Variants in BRD8 observed in about 807,000 individuals in gnomAD.
The protein encoded by BRD8 is bromodomain containing 8.
In BRD8, 67 loss-of-function variants were observed where a neutral mutation model predicts 143.1. The ratio of observed to expected loss-of-function variants is 0.47; its 90% CI spans 0.38 to 0.57. The LOEUF is 0.57. Among genes scored for constraint, BRD8 ranks in the 20% least tolerant of loss-of-function variants. The pLI is 0.00. For missense variants in BRD8, 1,103 were observed against 1,503.0 expected (o/e 0.73, Z 4.40); for synonymous variants, 505 against 517.1 (o/e 0.98, Z 0.32).
chr5:138,168,876 CCA>C lies in BRD8; in HGVS notation c.642+344_642+345del, dbSNP rs906962528. 5.3e-5 allele frequency among the ~76,000 whole-genome samples: 8 copies of C among 152,216 alleles called. No individual in the cohort carries two copies. The East Asian group carries it at 5.8e-4, about 11-fold the overall frequency. On this transcript the variant is annotated intron_variant, in intron 8 of 26. Coordinates refer to ENST00000254900, the MANE Select transcript of BRD8 (RefSeq NM_139199.2). Reference sequence around the variant, plus strand: ...AATCTTCTCTTTCATCCACTCAAACCCACAGTGACTCAACCATCCCACCCAAC... The same window carrying C: ...AATCTTCTCTTTCATCCACTCAAACCCAGTGACTCAACCATCCCACCCAAC...
At chr5:138,176,423 T>C (rs928411689) in intron 2 of BRD8, among the ~76,000 whole-genome samples, 2 of 152,010 alleles carry the variant, frequency 1.3e-5, no homozygotes, top group African/African-American at 2.4e-5. Context: ...AATACAAAAA[T>C]TAGCCAGGCC....
intron 25 of BRD8, among the ~76,000 whole-genome samples, chr5:138,144,898 C>CAAA (rs34496046): frequency 2.1e-3 from 217 of 103,428 alleles, no homozygotes; most frequent in African/African-American, 3.2e-3. Flanking sequence ...GAGACCCTGT[C>CAAA]AAAAAAAAAA....
intron 13 of BRD8, 84 bp downstream of exon 13, chr5:138,164,236 T>C (rs1489532227): frequency 3.2e-6 from 5 of 1,571,470 alleles, no homozygotes; most frequent in Non-Finnish European, 3.5e-6. Context: ...TGACCTGTTC[T>C]ACCTCCTCTA....
chr5:138,162,246 C>T, intron 15 of BRD8, 100 bp from the exon 16 acceptor site: 1 of 913,770 alleles, frequency 1.1e-6, no homozygotes, highest in Admixed American at 2.5e-5. Flanking sequence ...GTCCCCCAGG[C>T]TGGAGTGCAG....
chr5:138,171,415 T>TAAAAAAAAAA lies in BRD8; in HGVS notation c.187-15_187-6dup. 1.5e-6 allele frequency: 2 copies of TAAAAAAAAAA among 1,346,186 alleles called. No homozygotes were observed. The highest frequency in any genetic ancestry group is 1.0e-6 in the Non-Finnish European group (1 of 982,974). 83.4% of individuals were successfully genotyped at this position (1,346,186 alleles called of 1,614,324 possible). ...CGAGTACTGGGAAGCACAATGCTATTAAAAAAAAAAAAAAAAGTGAAAATG... is the reference window on the plus strand; with the variant it reads ...CGAGTACTGGGAAGCACAATGCTATTAAAAAAAAAAAAAAAAAAAAAAAAAAGTGAAAATG... On this transcript the variant is annotated splice_polypyrimidine_tract_variant and splice_region_variant and intron_variant, in intron 3 of 26. Transcript: ENST00000254900.
At chr5:138,167,563 TATCC>T (rs1753540744) in intron 9 of BRD8, 1 of 205,090 alleles carries the variant, frequency 4.9e-6, no homozygotes, top group Non-Finnish European at 9.9e-6. Flanking sequence ...CTAAGTTACC[TATCC>T]AAGGTCACAA....
intron 2 of BRD8, among the ~76,000 whole-genome samples, chr5:138,175,845 C>T (rs1362436375): frequency 1.5e-5 from 2 of 131,918 alleles, no homozygotes; most frequent in African/African-American, 5.9e-5. Context: ...GCCCAGGAGG[C>T]AGAGGTTGCA....
chr5:138,165,697 G>A, intron 11 of BRD8, 131 bp downstream of exon 11: 2 of 1,062,428 alleles, frequency 1.9e-6, no homozygotes, highest in Non-Finnish European at 2.6e-6. Context: ...CTGCACTTCA[G>A]CCTGGATGAA....
At chr5:138,151,824 C>T (rs1007060608) in intron 21 of BRD8, among the ~76,000 whole-genome samples, 3 of 151,854 alleles carry the variant, frequency 2.0e-5, no homozygotes, top group Admixed American at 6.6e-5. Flanking sequence ...CCACCAAGCC[C>T]GGCTAATTTT....
chr5:138,144,178 A>G (rs1752040161), intron 25 of BRD8, among the ~76,000 whole-genome samples: 1 of 152,158 alleles, frequency 6.6e-6, no homozygotes, highest in Non-Finnish European at 1.5e-5. Context: ...TCACTCCTGA[A>G]GCCAGCGAGA....
intron 2 of BRD8, among the ~76,000 whole-genome samples, chr5:138,174,857 C>T (rs1196167938): frequency 1.3e-5 from 2 of 151,250 alleles, no homozygotes; most frequent in Admixed American, 6.6e-5. Context: ...ACTGCCTAGA[C>T]TTCCTGTATG....
In BRD8 at chr5:138,149,593, A is replaced by T. The variant is rs377759893; in HGVS notation, c.3278+47T>A. 1.4e-4 allele frequency: 205 copies of T among 1,478,430 alleles called. 1 individual carries two copies. In the African/African-American group the frequency reaches 2.7e-3, roughly 19 times the overall value. 91.6% of individuals were successfully genotyped at this position (1,478,430 alleles called of 1,614,324 possible). A position where few individuals can be genotyped will look rare whatever the true frequency, so the allele number is the denominator to read the frequency against. On this transcript the variant is annotated intron_variant, in intron 23 of 26. Transcript: ENST00000254900. ...CCATTTCATGATTCAAATAGGCATA[A>T]ACAGAAGTACGAATCTTAACAAACT... is the stretch of plus-strand genomic sequence containing the variant.
chr5:138,165,935 T>G lies in BRD8; in HGVS notation c.1171A>C (p.Lys391Gln). ...TTCTCAGCCAGATCTAATTCTTCCTTCCCATCTATGCTGGGAGCCTTTGAT... is the reference window on the plus strand; with the variant it reads ...TTCTCAGCCAGATCTAATTCTTCCTGCCCATCTATGCTGGGAGCCTTTGAT... ...VGSKAPSIDG[K>Q]EELDLAEKMD... The change falls in exon 11 of 27, where the codon AAG becomes CAG. Residue 391 changes from lysine (K) to glutamine (Q), a missense_variant. Lys to Gln is a moderately conservative substitution (Grantham distance 53). Around this residue, in one of 7 missense-constraint regions of BRD8, gnomAD observed 334 missense variants for 372.5 expected, o/e 0.90. Coordinates refer to ENST00000254900, the MANE Select transcript of BRD8 (RefSeq NM_139199.2). 6.2e-7 allele frequency: 1 copy of G among 1,614,178 alleles called. No homozygotes were observed. The highest frequency in any genetic ancestry group is 8.5e-7 in the Non-Finnish European group (1 of 1,180,034).
At chr5:138,172,174 A>T in intron 2 of BRD8, 40 bp from the exon 3 acceptor site, 2 of 1,511,036 alleles carry the variant, frequency 1.3e-6, no homozygotes, top group Non-Finnish European at 9.2e-7. Context: ...CCAAGCAGAA[A>T]ACAATAGGAG....
intron 22 of BRD8, among the ~76,000 whole-genome samples, 197 bp from the exon 23 acceptor site, chr5:138,149,994 T>C (rs530538585): frequency 7.9e-5 from 12 of 152,336 alleles, no homozygotes; most frequent in Admixed American, 7.8e-4. Context: ...CTGGAGGACT[T>C]TGACTCTGTG....
In BRD8 at chr5:138,164,470, C is replaced by T. The variant is rs77971161; in HGVS notation, c.1732-57G>A. On this transcript the variant is annotated intron_variant, in intron 12 of 26. Coordinates refer to ENST00000254900, the MANE Select transcript of BRD8 (RefSeq NM_139199.2). ...TACTGATAAATCGCTATAGCTCACA[C>T]AACTTTATTCTTCAGTGATAATGAG... is the stretch of plus-strand genomic sequence containing the variant. 5.8e-3 allele frequency: 8,727 copies of T among 1,506,696 alleles called. 20 individuals are homozygous for T. The highest frequency in any genetic ancestry group is 7.1e-3 in the Non-Finnish European group (7,665 of 1,086,146). The allele number at this position is 1,506,696 out of a possible 1,614,324, so 93.3% of individuals were successfully genotyped here.
At chr5:138,168,341 T>A in intron 8 of BRD8, 3 of 744,026 alleles carry the variant, frequency 4.0e-6, no homozygotes, top group South Asian at 3.2e-5. Flanking sequence ...TTTTAAAAAA[T>A]TAACATTTAA....
At chr5:138,157,245 C>T (rs1752661320) in intron 20 of BRD8, 2 of 1,613,514 alleles carry the variant, frequency 1.2e-6, no homozygotes, top group Admixed American at 1.7e-5. Context: ...AATGGCACAG[C>T]GGCGTCCCCT....
chr5:138,165,803 C>T (rs1428616524), intron 11 of BRD8, 25 bp downstream of exon 11: 1 of 1,598,078 alleles, frequency 6.3e-7, no homozygotes, highest in Admixed American at 1.7e-5. Context: ...CCATGAGATT[C>T]TCTGGGGCTT....
Sources: gnomAD v4.1 joint callset for allele counts (sites outside exome capture counted in the v4.1 genomes callset) on GRCh38, gnomAD v4.1.1 for gene constraint, gnomAD v4.1.1 regional missense constraint, MANE v1.5 for transcripts, NCBI Gene and HGNC (gene_info 2026-07-23, HGNC 2026-07-21) for gene names.